Variants in CHRM3 observed in about 807,000 individuals in gnomAD.
CHRM3 encodes cholinergic receptor muscarinic 3.
In CHRM3, 11 loss-of-function variants were observed where a neutral mutation model predicts 41.8. The ratio of observed to expected loss-of-function variants is 0.26; its 90% CI spans 0.17 to 0.44. CHRM3 has a LOEUF of 0.44. Among genes scored for constraint, CHRM3 ranks in the 20% least tolerant of loss-of-function variants. CHRM3 has a pLI of 1.00. For synonymous variants in CHRM3, 297 were observed against 301.4 expected, an observed-to-expected ratio of 0.99 and a Z score of 0.15; for missense variants, 571 against 745.4, an observed-to-expected ratio of 0.77 and a Z score of 2.72.
At chr1:239,791,166 G>T (rs1359685157) in intron 5 of CHRM3, among the ~76,000 whole-genome samples, 1 of 151,982 alleles carries the variant, frequency 6.6e-6, no homozygotes, top group Non-Finnish European at 1.5e-5. Context: ...GTGCTGTGAT[G>T]CAGTCTCGGC....
intron 5 of CHRM3, among the ~76,000 whole-genome samples, chr1:239,688,427 A>G: frequency 7.0e-6 from 1 of 142,942 alleles, no homozygotes. Flanking sequence ...ATATATATAA[A>G]TATATTTACA....
rs1426289577 is a variant in CHRM3 at position 239,514,830 on chromosome 1, C to T, written c.-422+22023C>T. Among the ~76,000 whole-genome samples, 7 of 152,090 alleles carry T rather than the reference C, an allele frequency of 4.6e-5. No individual in the cohort carries two copies. The East Asian group carries it at 7.7e-4, about 17-fold the overall frequency. Reference sequence around the variant, plus strand: ...TCCTCTCATTCTGACTCCTGGCTGCCGAACTTGATCTAGGAGAAAACTTGC... The same window carrying T: ...TCCTCTCATTCTGACTCCTGGCTGCTGAACTTGATCTAGGAGAAAACTTGC... On this transcript the variant is annotated intron_variant, in intron 2 of 6. Coordinates refer to ENST00000676153, the MANE Select transcript of CHRM3 (RefSeq NM_001375978.1).
intron 2 of CHRM3, among the ~76,000 whole-genome samples, chr1:239,508,038 G>A (rs1415160860): frequency 2.0e-5 from 3 of 152,208 alleles, no homozygotes; most frequent in African/African-American, 7.2e-5. Context: ...TGACTGGGAA[G>A]ACGGAGGAAG....
intron 2 of CHRM3, among the ~76,000 whole-genome samples, chr1:239,512,131 A>T (rs1668962740): frequency 6.6e-6 from 1 of 152,172 alleles, no homozygotes; most frequent in South Asian, 2.1e-4. Flanking sequence ...TTAAGAGAGA[A>T]ACAGGAACCC....
At chr1:239,620,778 C>T (rs1668271313) in intron 3 of CHRM3, among the ~76,000 whole-genome samples, 1 of 151,930 alleles carries the variant, frequency 6.6e-6, no homozygotes, top group South Asian at 2.1e-4. Context: ...AGGGCACATC[C>T]ATGCTGAGGT....
At position 239,399,570 on chromosome 1, in the gene CHRM3, A is replaced by T. The variant is rs145477929; in HGVS notation, c.-521+12343A>T. ...TCATCTATAAGTTCCACTTTTTGGG[A>T]TTCTGCATGTAAATGAGAAGATGTG... On this transcript the variant is annotated intron_variant, in intron 1 of 6. Coordinates refer to ENST00000676153, the MANE Select transcript of CHRM3 (RefSeq NM_001375978.1). Among the ~76,000 whole-genome samples, 142 of 152,212 alleles carry T rather than the reference A, an allele frequency of 9.3e-4. 1 individual carries two copies. Among genetic ancestry groups the T allele is most frequent in the African/African-American group, 3.3e-3 (137 of 41,536 alleles).
At chr1:239,865,689 G>A (rs76327833) in intron 6 of CHRM3, among the ~76,000 whole-genome samples, 1,614 of 152,274 alleles carry the variant, frequency 0.011, 38 homozygotes, top group African/African-American at 0.036. Context: ...AGAATCAAGG[G>A]TAGCAATATT....
At chr1:239,614,212 G>A (rs927280909) in intron 3 of CHRM3, among the ~76,000 whole-genome samples, 22 of 152,004 alleles carry the variant, frequency 1.4e-4, no homozygotes, top group African/African-American at 2.9e-4. Context: ...ATACAAGCTC[G>A]CATTTAAGAG....
chr1:239,816,290 G>A (rs556009), intron 5 of CHRM3, among the ~76,000 whole-genome samples: 149,370 of 152,304 alleles, frequency 0.98, 73,312 homozygotes, highest in East Asian at 1. Context: ...CTTCAAAGAC[G>A]TGGTCTTTCC....
At chr1:239,410,879 C>T (rs538062492) in intron 1 of CHRM3, among the ~76,000 whole-genome samples, 2 of 152,164 alleles carry the variant, frequency 1.3e-5, no homozygotes, top group Non-Finnish European at 2.9e-5. Flanking sequence ...ATTCTGAGCA[C>T]GATTTCATTT....
chr1:239,509,211 G>A (rs1376714385), intron 2 of CHRM3, among the ~76,000 whole-genome samples: 4 of 152,080 alleles, frequency 2.6e-5, no homozygotes, highest in Non-Finnish European at 5.9e-5. Flanking sequence ...AATATATTTA[G>A]TTAATTTTAT....
chr1:239,878,948 C>A (rs75878888), intron 6 of CHRM3, among the ~76,000 whole-genome samples: 1 of 152,222 alleles, frequency 6.6e-6, no homozygotes, highest in South Asian at 2.1e-4. Context: ...CAGGACTTTA[C>A]AGGTCTACAG....
intron 1 of CHRM3, among the ~76,000 whole-genome samples, chr1:239,475,707 C>G (rs1490415222): frequency 1.3e-5 from 2 of 152,032 alleles, no homozygotes; most frequent in African/African-American, 2.4e-5. Context: ...ATAGGGAAAA[C>G]TGGTAGAGGG....
At chr1:239,405,177 G>A (rs2103012018) in intron 1 of CHRM3, among the ~76,000 whole-genome samples, 1 of 152,178 alleles carries the variant, frequency 6.6e-6, no homozygotes, top group South Asian at 2.1e-4. Context: ...TAGTACATTA[G>A]GTTAAGAAAA....
chr1:239,452,698 T>C (rs2103331169), intron 1 of CHRM3, among the ~76,000 whole-genome samples: 1 of 152,362 alleles, frequency 6.6e-6, no homozygotes, highest in Non-Finnish European at 1.5e-5. Flanking sequence ...GACAGTTATA[T>C]TTAAAAAGAA....
intron 1 of CHRM3, among the ~76,000 whole-genome samples, chr1:239,442,146 G>GT (rs57653333): frequency 0.53 from 78,587 of 149,310 alleles, 20,755 homozygotes; most frequent in South Asian, 0.61. Flanking sequence ...TATACGTTAG[G>GT]TTTTTTTTTT....
intron 6 of CHRM3, among the ~76,000 whole-genome samples, chr1:239,862,691 T>C (rs532076270): frequency 6.6e-6 from 1 of 152,322 alleles, no homozygotes; most frequent in South Asian, 2.1e-4. Context: ...TAAATATGAC[T>C]AAGACTCCCA....
chr1:239,602,032 A>G (rs950720060), intron 3 of CHRM3, among the ~76,000 whole-genome samples: 1 of 150,024 alleles, frequency 6.7e-6, no homozygotes, highest in Non-Finnish European at 1.5e-5. Flanking sequence ...ATCTATATAT[A>G]CACATATATA....
At chr1:239,761,649 C>T (rs543263511) in intron 5 of CHRM3, among the ~76,000 whole-genome samples, 19 of 152,240 alleles carry the variant, frequency 1.2e-4, no homozygotes, top group East Asian at 3.9e-4. Flanking sequence ...TCGGAGTGCT[C>T]GGCCAGATGC....
Sources: gnomAD v4.1 joint callset for allele counts (sites outside exome capture counted in the v4.1 genomes callset) on GRCh38, gnomAD v4.1.1 for gene constraint, MANE v1.5 for transcripts, NCBI Gene and HGNC (gene_info 2026-07-23, HGNC 2026-07-21) for gene names.